Variants in FARS2 observed in about 807,000 individuals in gnomAD.
FARS2 encodes the protein phenylalanyl-tRNA synthetase 2, mitochondrial, also known as phenylalanine--tRNA ligase, mitochondrial.
FARS2 carries 40 observed loss-of-function variants against 46.4 expected under a neutral mutation model. That is an observed-to-expected ratio of 0.86 (90% CI 0.67 to 1.12). The LOEUF is 1.12. Ranked by LOEUF, FARS2 falls within the 50% of genes most tolerant of loss-of-function variation. The pLI, the probability that FARS2 is intolerant of heterozygous loss-of-function variation, is 0.00. For synonymous variants in FARS2, 234 were observed against 214.9 expected, an observed-to-expected ratio of 1.09 and a Z score of -0.78; for missense variants, 513 against 567.9, an observed-to-expected ratio of 0.90 and a Z score of 0.98.
In FARS2 at chr6:5,404,712, A is replaced by T. The variant is rs1335431861; in HGVS notation, c.772+11A>T. On this transcript the variant is annotated intron_variant, in intron 3 of 6. Transcript: ENST00000274680. ...ATCTTTTTGGAGATGGTAAGTGCTC[A>T]AACACAGGTTGACGATCTCTTATCT... The T allele has an allele frequency of 6.4e-7, 1 of 1,559,040 alleles. No homozygotes were observed. Among genetic ancestry groups the T allele is most frequent in the Admixed American group, 1.8e-5 (1 of 55,014 alleles).
chr6:5,256,297 C>G (rs1003581152), upstream of FARS2, among the ~76,000 whole-genome samples: 1 of 151,498 alleles, frequency 6.6e-6, no homozygotes, highest in Non-Finnish European at 1.5e-5. Flanking sequence ...CAAGATCAGC[C>G]TGGCCAATAT....
chr6:5,718,996 C>T (rs1485692353), intron 6 of FARS2, among the ~76,000 whole-genome samples: 2 of 152,168 alleles, frequency 1.3e-5, no homozygotes, highest in Non-Finnish European at 2.9e-5. Flanking sequence ...GCACCTTATG[C>T]AGAACAAATC....
chr6:5,534,580 G>A (rs1440131090), intron 4 of FARS2, among the ~76,000 whole-genome samples: 2 of 152,152 alleles, frequency 1.3e-5, no homozygotes, highest in African/African-American at 2.4e-5. Context: ...GCTGTAGCAT[G>A]TATCAGAACT....
chr6:5,561,098 G>A (rs1037005525), intron 5 of FARS2, among the ~76,000 whole-genome samples: 2 of 152,082 alleles, frequency 1.3e-5, no homozygotes, highest in South Asian at 2.1e-4. Flanking sequence ...GCCACTGCAC[G>A]CCAGCCTGGG....
At chr6:5,489,279 C>T (rs996405742) in intron 4 of FARS2, among the ~76,000 whole-genome samples, 8 of 151,990 alleles carry the variant, frequency 5.3e-5, no homozygotes, top group South Asian at 2.1e-4. Flanking sequence ...CATAGTGAAA[C>T]GCCGTCTCTG....
chr6:5,491,582 A>G (rs953138929), intron 4 of FARS2, among the ~76,000 whole-genome samples: 2 of 152,236 alleles, frequency 1.3e-5, no homozygotes, highest in African/African-American at 4.8e-5. Flanking sequence ...TGAGGGTTCC[A>G]TAAACACAGT....
chr6:5,640,085 G>A (rs1377764454), intron 6 of FARS2, among the ~76,000 whole-genome samples: 1 of 152,168 alleles, frequency 6.6e-6, no homozygotes, highest in Non-Finnish European at 1.5e-5. Flanking sequence ...TTTTGGGGGA[G>A]TGTGTGTGTT....
chr6:5,696,704 G>T (rs1308507312), intron 6 of FARS2, among the ~76,000 whole-genome samples: 1 of 152,142 alleles, frequency 6.6e-6, no homozygotes, highest in Non-Finnish European at 1.5e-5. Context: ...CTGAGGACTG[G>T]AATTGAGGGT....
chr6:5,620,576 T>C (rs1258671119), intron 6 of FARS2, among the ~76,000 whole-genome samples: 2 of 152,176 alleles, frequency 1.3e-5, no homozygotes, highest in African/African-American at 4.8e-5. Context: ...CCCTATTCCA[T>C]TTCATTTTCT....
chr6:5,692,022 C>A (rs1234591467), intron 6 of FARS2, among the ~76,000 whole-genome samples: 3 of 152,204 alleles, frequency 2.0e-5, no homozygotes, highest in African/African-American at 7.2e-5. Context: ...GTGCTGTTTG[C>A]TAAGACCACT....
chr6:5,269,592 G>A (rs1470715140), intron 1 of FARS2, among the ~76,000 whole-genome samples: 1 of 152,094 alleles, frequency 6.6e-6, no homozygotes, highest in African/African-American at 2.4e-5. Context: ...CTTCGAATGA[G>A]TGTATTAGCC....
In FARS2 at chr6:5,454,682, G is replaced by A. The variant is rs372238381; in HGVS notation, c.904+23510G>A. Among the ~76,000 whole-genome samples the A allele has an allele frequency of 3.1e-4, 47 of 152,134 alleles. 1 individual carries two copies. The South Asian group carries it at 8.3e-3, about 27-fold the overall frequency. ...AATAATCTTTTAACAGTTAACTCTC[G>A]GTCCCGATAATCTCCGTATAATCTT... On this transcript the variant is annotated intron_variant, in intron 4 of 6. Transcript: ENST00000274680.
intron 6 of FARS2, among the ~76,000 whole-genome samples, chr6:5,650,420 C>A (rs1407925803): frequency 6.6e-6 from 1 of 152,112 alleles, no homozygotes; most frequent in Non-Finnish European, 1.5e-5. Context: ...CTCATTAATT[C>A]AAGGAGATTT....
upstream of FARS2, among the ~76,000 whole-genome samples, chr6:5,256,644 G>A (rs943593477): frequency 6.6e-6 from 1 of 151,938 alleles, no homozygotes; most frequent in Non-Finnish European, 1.5e-5. Flanking sequence ...TGTGACTTGC[G>A]TGGGGTCACA....
chr6:5,425,223 A>G (rs1161889720), intron 3 of FARS2, among the ~76,000 whole-genome samples: 1 of 151,272 alleles, frequency 6.6e-6, no homozygotes, highest in African/African-American at 2.4e-5. Context: ...GGTGTAGAAA[A>G]TCACTGGTAT....
rs1412287925 is a variant in FARS2 at position 5,444,660 on chromosome 6, A to T, written c.904+13488A>T. Among the ~76,000 whole-genome samples the T allele has an allele frequency of 2.0e-5, 3 of 152,114 alleles. No homozygotes were observed. In the East Asian group the frequency reaches 5.8e-4, roughly 29 times the overall value. ...CCCAGTTCCTAGAACAATGCCTAGC[A>T]CATAGAAGACACTCAATATCCATAT... On this transcript the variant is annotated intron_variant, in intron 4 of 6. Coordinates refer to ENST00000274680, the MANE Select transcript of FARS2 (RefSeq NM_006567.5).
intron 6 of FARS2, among the ~76,000 whole-genome samples, chr6:5,674,369 T>G (rs754884839): frequency 3.3e-5 from 5 of 152,072 alleles, no homozygotes; most frequent in Non-Finnish European, 5.9e-5. Flanking sequence ...CTTAAAAAGT[T>G]AACTTCCTGT....
chr6:5,578,819 A>C (rs1199885825), intron 5 of FARS2, among the ~76,000 whole-genome samples: 3 of 55,708 alleles, frequency 5.4e-5, no homozygotes, highest in Non-Finnish European at 1.3e-4. Flanking sequence ...AAAAAAAAAA[A>C]AAAAAAAAAA....
chr6:5,512,519 A>C (rs922075663), intron 4 of FARS2, among the ~76,000 whole-genome samples: 2 of 152,092 alleles, frequency 1.3e-5, no homozygotes, highest in African/African-American at 4.8e-5. Flanking sequence ...ATTGCTTTCT[A>C]CCTACTTGTA....
Sources: gnomAD v4.1 joint callset for allele counts (sites outside exome capture counted in the v4.1 genomes callset) on GRCh38, gnomAD v4.1.1 for gene constraint, MANE v1.5 for transcripts, NCBI Gene and HGNC (gene_info 2026-07-23, HGNC 2026-07-21) for gene names.